The following ARHGAP22 variants were observed in gnomAD, a reference collection of about 807,000 sequenced individuals.
ARHGAP22 encodes the protein rho GTPase-activating protein 22.
Under a neutral mutation model 59.1 loss-of-function variants are expected in ARHGAP22, and 48 were observed. That is an observed-to-expected ratio of 0.81 (90% CI 0.64 to 1.03). The LOEUF is 1.03. ARHGAP22 is among the 50% of genes least tolerant of loss of function. ARHGAP22 has a pLI of 0.00. For synonymous variants in ARHGAP22, 445 were observed against 416.4 expected (o/e 1.07, Z -0.84); for missense variants, 1,015 against 958.7 (o/e 1.06, Z -0.78).
downstream of ARHGAP22, among the ~76,000 whole-genome samples, chr10:48,442,093 G>C (rs1443603373): frequency 6.6e-6 from 1 of 152,180 alleles, no homozygotes; most frequent in Non-Finnish European, 1.5e-5. Flanking sequence ...CCCTCAAAGT[G>C]TGACATGAGT....
intron 3 of ARHGAP22, among the ~76,000 whole-genome samples, chr10:48,539,309 T>TTTTTTTTTG (rs1590039873): frequency 6.7e-6 from 1 of 148,250 alleles, no homozygotes; most frequent in African/African-American, 2.5e-5. Flanking sequence ...TTTTTTTTTT[T>TTTTTTTTTG]GAGACGGAGT....
intron 1 of ARHGAP22, among the ~76,000 whole-genome samples, chr10:48,597,484 A>G (rs978427306): frequency 6.6e-6 from 1 of 152,148 alleles, no homozygotes; most frequent in African/African-American, 2.4e-5. Flanking sequence ...GAGGCCCTTT[A>G]GCCTCTTAGA....
At chr10:48,586,808 A>G (rs10491037) in intron 1 of ARHGAP22, among the ~76,000 whole-genome samples, 11,607 of 152,198 alleles carry the variant, frequency 0.076, 482 homozygotes, top group Middle Eastern at 0.11. Context: ...TGCTCGCTCC[A>G]TTTGCCCATT....
At chr10:48,515,967 T>C (rs192478831) in intron 3 of ARHGAP22, among the ~76,000 whole-genome samples, 5 of 151,974 alleles carry the variant, frequency 3.3e-5, no homozygotes, top group African/African-American at 1.2e-4. Context: ...TGAGCTATGA[T>C]TGTGCCACTG....
chr10:48,518,149 C>T (rs2053471324), intron 3 of ARHGAP22, among the ~76,000 whole-genome samples: 1 of 152,160 alleles, frequency 6.6e-6, no homozygotes, highest in African/African-American at 2.4e-5. Flanking sequence ...AGCCAGAAGC[C>T]TCAAGGTTCA....
chr10:48,610,916 A>C (rs924595670), intron 1 of ARHGAP22, among the ~76,000 whole-genome samples: 3 of 152,216 alleles, frequency 2.0e-5, no homozygotes, highest in African/African-American at 7.2e-5. Flanking sequence ...GCAGTTGGGC[A>C]GTGAGTCCTT....
chr10:48,637,506 G>A (rs1328111386), intron 1 of ARHGAP22, among the ~76,000 whole-genome samples: 2 of 151,818 alleles, frequency 1.3e-5, no homozygotes, highest in African/African-American at 4.8e-5. Flanking sequence ...GGATGGTAAA[G>A]AAATGAGTGG....
chr10:48,555,447 A>G lies in ARHGAP22; in HGVS notation c.322+16T>C, dbSNP rs1224456738. ...CCCCCACCAGGGCTGCAGAGCTGGAAGGTGCTCAGGCCTACCTGGGCTGAT... is the reference window on the plus strand; with the variant it reads ...CCCCCACCAGGGCTGCAGAGCTGGAGGGTGCTCAGGCCTACCTGGGCTGAT... On this transcript the variant is annotated intron_variant, in intron 3 of 9. Transcript: ENST00000249601. The G allele has an allele frequency of 1.2e-6, 2 of 1,612,628 alleles. No homozygotes were observed. Among genetic ancestry groups the G allele is most frequent in the Non-Finnish European group, 1.7e-6 (2 of 1,178,992 alleles).
At chr10:48,489,457 A>C (rs1232676369) in intron 3 of ARHGAP22, among the ~76,000 whole-genome samples, 1 of 152,232 alleles carries the variant, frequency 6.6e-6, no homozygotes, top group Non-Finnish European at 1.5e-5. Flanking sequence ...AAGGAAGATG[A>C]AATGGAGGAT....
intron 3 of ARHGAP22, among the ~76,000 whole-genome samples, chr10:48,500,070 G>T (rs892392832): frequency 3.3e-5 from 5 of 152,216 alleles, no homozygotes; most frequent in African/African-American, 1.2e-4. Flanking sequence ...AGGCATGGTG[G>T]CTCACACCTG....
At chr10:48,524,165 G>A (rs2054100905) in intron 3 of ARHGAP22, 3 of 1,171,650 alleles carry the variant, frequency 2.6e-6, no homozygotes, top group Non-Finnish European at 2.1e-6. Context: ...GCGCCCCGGG[G>A]CGGCGCGGCC....
intron 3 of ARHGAP22, among the ~76,000 whole-genome samples, chr10:48,498,206 C>T (rs1013612019): frequency 2.0e-5 from 3 of 152,112 alleles, no homozygotes; most frequent in East Asian, 1.9e-4. Flanking sequence ...GAGCAGGACA[C>T]GGCCCAGATG....
intron 4 of ARHGAP22, among the ~76,000 whole-genome samples, chr10:48,478,341 C>A (rs10857580): frequency 0.19 from 28,935 of 152,186 alleles, 3,915 homozygotes; most frequent in East Asian, 0.62. Context: ...TCACTCTCAA[C>A]ATTATATTGA....
chr10:48,440,632 A>G, the ARHGAP22 span, among the ~76,000 whole-genome samples: 1 of 152,160 alleles, frequency 6.6e-6, no homozygotes, highest in African/African-American at 2.4e-5. Flanking sequence ...TACAGGGAGA[A>G]ATGGGAGAGA....
intron 3 of ARHGAP22, among the ~76,000 whole-genome samples, chr10:48,483,689 C>A (rs927921262): frequency 1.3e-5 from 2 of 151,966 alleles, no homozygotes; most frequent in African/African-American, 4.8e-5. Context: ...TGTATGTCTT[C>A]TTTTGTGGAA....
At chr10:48,508,946 G>A (rs375456530) in intron 3 of ARHGAP22, among the ~76,000 whole-genome samples, 2 of 152,262 alleles carry the variant, frequency 1.3e-5, no homozygotes, top group East Asian at 3.8e-4. Context: ...GCAGGGGAGA[G>A]AGATGCAGTT....
chr10:48,535,193 A>G (rs77710614), intron 3 of ARHGAP22, among the ~76,000 whole-genome samples: 3,716 of 152,322 alleles, frequency 0.024, 136 homozygotes, highest in African/African-American at 0.084. Context: ...TGATGTTGAT[A>G]ACCTCCTTTT....
intron 3 of ARHGAP22, among the ~76,000 whole-genome samples, chr10:48,509,808 C>T (rs919190302): frequency 2.0e-5 from 3 of 152,170 alleles, no homozygotes; most frequent in African/African-American, 7.2e-5. Flanking sequence ...TCTGAAGACG[C>T]CCGACGAGTC....
At chr10:48,652,102 A>C (rs2062591558) in intron 1 of ARHGAP22, 1 of 820,842 alleles carries the variant, frequency 1.2e-6, no homozygotes, top group African/African-American at 1.7e-5. Flanking sequence ...AGGAGGTCAG[A>C]ACCCTGACCA....
Sources: allele counts gnomAD v4.1 joint callset (sites outside exome capture counted in the v4.1 genomes callset), GRCh38; gene constraint gnomAD v4.1.1; transcripts MANE v1.5; gene names NCBI Gene and HGNC (gene_info 2026-07-23, HGNC 2026-07-21).